ATRN: variants seen among roughly 807,000 people sequenced by gnomAD.
ATRN encodes attractin-2.
A neutral mutation model predicts 178.7 loss-of-function variants in ATRN; 54 were observed. That is an observed-to-expected ratio of 0.30 (90% CI 0.24 to 0.38). The LOEUF (loss-of-function observed/expected upper bound fraction) is 0.38, where lower values mean the gene tolerates loss of function less well. ATRN is among the 10% of genes least tolerant of loss of function. The probability of loss-of-function intolerance (pLI) is 1.00; values close to 1 mark genes in which losing one functional copy is unlikely to be tolerated. For missense variants in ATRN, 1,443 were observed against 1,815.1 expected (o/e 0.79, Z 3.73); for synonymous variants, 636 against 663.0 (o/e 0.96, Z 0.63).
chr20:3,585,181 G>A (rs2086340808), intron 18 of ATRN, among the ~76,000 whole-genome samples: 1 of 152,168 alleles, frequency 6.6e-6, no homozygotes, highest in East Asian at 1.9e-4. Flanking sequence ...CTGGGCTGGT[G>A]CAAAGACTCC....
At chr20:3,472,655 T>C (rs1201213803) in intron 1 of ATRN, among the ~76,000 whole-genome samples, 1 of 152,200 alleles carries the variant, frequency 6.6e-6, no homozygotes, top group Non-Finnish European at 1.5e-5. Context: ...TCATTTGAAA[T>C]GACATTTGAT....
At chr20:3,618,255 A>G (rs948194888) in intron 24 of ATRN, among the ~76,000 whole-genome samples, 18 of 152,224 alleles carry the variant, frequency 1.2e-4, no homozygotes, top group African/African-American at 4.3e-4. Flanking sequence ...GCTGATGACC[A>G]AAATCACCTT....
At chr20:3,541,507 C>T (rs1362412913) in intron 3 of ATRN, among the ~76,000 whole-genome samples, 2 of 152,230 alleles carry the variant, frequency 1.3e-5, no homozygotes, top group African/African-American at 4.8e-5. Flanking sequence ...GTATAGCCTA[C>T]TGTACACCCT....
At chr20:3,499,481 CAG>C (rs1287452272) in intron 1 of ATRN, among the ~76,000 whole-genome samples, 1 of 150,074 alleles carries the variant, frequency 6.7e-6, no homozygotes, top group African/African-American at 2.5e-5. Flanking sequence ...GGTACCAAAA[CAG>C]AGATATAGAT....
At chr20:3,573,613 C>G (rs1428188975) in intron 12 of ATRN, among the ~76,000 whole-genome samples, 2 of 152,110 alleles carry the variant, frequency 1.3e-5, no homozygotes, top group African/African-American at 4.8e-5. Flanking sequence ...GGGCGATGAT[C>G]CCTGCTTCTA....
chr20:3,568,695 GT>G (rs2086073463), intron 11 of ATRN, among the ~76,000 whole-genome samples: 1 of 152,080 alleles, frequency 6.6e-6, no homozygotes, highest in South Asian at 2.1e-4. Context: ...TTTTATGTGT[GT>G]TTCTATTTAA....
chr20:3,471,296 G>T lies in ATRN; in HGVS notation c.189G>T (p.Leu63=). The T allele has an allele frequency of 2.0e-6, 3 of 1,478,798 alleles. No individual in the cohort carries two copies. The highest frequency in any genetic ancestry group is 2.7e-6 in the Non-Finnish European group (3 of 1,123,942). 91.6% of individuals were successfully genotyped at this position (1,478,798 alleles called of 1,614,324 possible). ...CACCGCTGCGGCCACGGCTGCTGCT[G>T]CTGCTGTTGTTGCTCTCGCCGCCGC... is the stretch of plus-strand genomic sequence containing the variant. ...LSPPLRPRLL[L]LLLLLSPPLL... is the part of the protein sequence containing the mutation. Residue 63 remains leucine (L), a synonymous_variant, in exon 1 of 29, where the codon CTG becomes CTT. Transcript: ENST00000262919.
chr20:3,585,009 A>G, intron 18 of ATRN, 129 bp downstream of exon 18: 1 of 885,812 alleles, frequency 1.1e-6, no homozygotes, highest in Non-Finnish European at 1.7e-6. Context: ...AATGGTTGGT[A>G]CAAGAAGGAA....
chr20:3,530,866 C>G (rs2085444722), intron 1 of ATRN, among the ~76,000 whole-genome samples: 1 of 151,996 alleles, frequency 6.6e-6, no homozygotes, highest in Admixed American at 6.6e-5. Context: ...TGAGACGAGT[C>G]CTTTGAAACC....
chr20:3,618,240 GC>G (rs989432763), intron 24 of ATRN, among the ~76,000 whole-genome samples: 1 of 152,146 alleles, frequency 6.6e-6, no homozygotes, highest in African/African-American at 2.4e-5. Flanking sequence ...GGAGGGAGGG[GC>G]GGGGCTGATG....
Position 3,615,730 on chromosome 20 carries a change from T to C in ATRN, c.3802-8781T>C. ...TTCACCACGCCCAGCTAATTTTTTGTATTTTAGTAGAGACAGGGTTTTACC... is the reference window on the plus strand; with the variant it reads ...TTCACCACGCCCAGCTAATTTTTTGCATTTTAGTAGAGACAGGGTTTTACC... On this transcript the variant is annotated intron_variant, in intron 24 of 28. Transcript: ENST00000262919. 2 of 446,866 alleles carry C rather than the reference T, an allele frequency of 4.5e-6. 1 individual carries two copies. The highest frequency in any genetic ancestry group is 3.1e-5 in the South Asian group (2 of 63,836). The allele number at this position is 446,866 out of a possible 1,614,324, so 27.7% of individuals were successfully genotyped here.
In ATRN at chr20:3,569,109, T is replaced by C. The variant is rs1178915956; in HGVS notation, c.1872-3622T>C. 5.3e-5 allele frequency among the ~76,000 whole-genome samples: 8 copies of C among 152,300 alleles called. No homozygotes were observed. The East Asian group carries it at 1.5e-3, about 29-fold the overall frequency. On this transcript the variant is annotated intron_variant, in intron 11 of 28. Transcript: ENST00000262919. ...ACCATGAAACTACTGCAAGTATTGA[T>C]TTTGGAATTAGAAATAGATTTTATA...
chr20:3,615,908 G>A, intron 24 of ATRN: 1 of 443,636 alleles, frequency 2.3e-6, no homozygotes, highest in Non-Finnish European at 4.6e-6. Flanking sequence ...TGGGGGGAAG[G>A]GGAAGGGATA....
intron 2 of ATRN, among the ~76,000 whole-genome samples, chr20:3,538,788 T>G (rs2085577442): frequency 6.6e-6 from 1 of 152,188 alleles, no homozygotes; most frequent in African/African-American, 2.4e-5. Flanking sequence ...GAAATTGGCC[T>G]CCTGAGTTCT....
chr20:3,543,903 G>A (rs560811887), intron 3 of ATRN, among the ~76,000 whole-genome samples: 2 of 152,196 alleles, frequency 1.3e-5, no homozygotes, highest in East Asian at 3.9e-4. Context: ...CCATGGTGGT[G>A]TGTGCCTGTA....
intron 22 of ATRN, among the ~76,000 whole-genome samples, chr20:3,600,000 T>C (rs2086587149): frequency 6.6e-6 from 1 of 152,234 alleles, no homozygotes; most frequent in South Asian, 2.1e-4. Flanking sequence ...AAAAATCTTA[T>C]TCTAACCTCT....
At chr20:3,491,293 T>G (rs1439964154) in intron 1 of ATRN, among the ~76,000 whole-genome samples, 1 of 152,228 alleles carries the variant, frequency 6.6e-6, no homozygotes, top group Non-Finnish European at 1.5e-5. Flanking sequence ...TCCAATTTTC[T>G]CATTAACTTA....
In ATRN at chr20:3,596,395, A is replaced by C. The variant is rs2086529685; in HGVS notation, c.3435A>C (p.Arg1145=). ...DECQLCEVEN[R]YQGNPLRGTC... Reference sequence around the variant, plus strand: ...CCCCCAGATGTGAGGTAGAAAATCGATACCAAGGAAACCCTCTCAGAGGAA... The same window carrying C: ...CCCCCAGATGTGAGGTAGAAAATCGCTACCAAGGAAACCCTCTCAGAGGAA... The change falls in exon 21 of 29, where the codon CGA becomes CGC. Residue 1145 remains arginine, a synonymous_variant. Coordinates refer to ENST00000262919, the MANE Select transcript of ATRN (RefSeq NM_139321.3). 1.2e-6 allele frequency: 2 copies of C among 1,613,662 alleles called. No homozygotes were observed. Among genetic ancestry groups the C allele is most frequent in the Non-Finnish European group, 1.7e-6 (2 of 1,179,670 alleles).
chr20:3,508,041 C>T (rs915486113), intron 1 of ATRN, among the ~76,000 whole-genome samples: 1 of 151,776 alleles, frequency 6.6e-6, no homozygotes, highest in Non-Finnish European at 1.5e-5. Context: ...GATTGAGACA[C>T]ATTATCTTTA....
Sources: allele counts gnomAD v4.1 joint callset (sites outside exome capture counted in the v4.1 genomes callset), GRCh38; gene constraint gnomAD v4.1.1; transcripts MANE v1.5; gene names NCBI Gene and HGNC (gene_info 2026-07-23, HGNC 2026-07-21).